The following MELK variants were observed in gnomAD, a reference collection of about 807,000 sequenced individuals.
The protein encoded by MELK is pEg3 kinase.
Under a neutral mutation model 85.0 loss-of-function variants are expected in MELK, and 81 were observed. The ratio of observed to expected loss-of-function variants is 0.95; its 90% CI spans 0.80 to 1.15. MELK has a LOEUF of 1.15. Ranked by LOEUF, MELK falls within the 50% of genes most tolerant of loss-of-function variation. The probability of loss-of-function intolerance (pLI) is 0.00; values close to 1 mark genes in which losing one functional copy is unlikely to be tolerated. For missense variants in MELK, 754 were observed against 777.5 expected, an observed-to-expected ratio of 0.97 and a Z score of 0.36; for synonymous variants, 252 against 265.0, an observed-to-expected ratio of 0.95 and a Z score of 0.48.
chr9:36,657,464 T>C (rs1279716703), intron 13 of MELK, 101 bp downstream of exon 13: 1 of 1,276,134 alleles, frequency 7.8e-7, no homozygotes, highest in Non-Finnish European at 1.1e-6. Context: ...ATTTAATGAA[T>C]GCTTAAGCCA....
intron 8 of MELK, among the ~76,000 whole-genome samples, chr9:36,620,070 A>C (rs1227401539): frequency 6.6e-6 from 1 of 152,146 alleles, no homozygotes; most frequent in Admixed American, 6.6e-5. Flanking sequence ...AGGGACAGAG[A>C]CCTTAAATAA....
At chr9:36,663,605 C>G (rs1327136146) in intron 13 of MELK, among the ~76,000 whole-genome samples, 2 of 152,146 alleles carry the variant, frequency 1.3e-5, no homozygotes, top group African/African-American at 4.8e-5. Flanking sequence ...TTTTTAGCAC[C>G]CACTTATGAG....
Position 36,661,754 on chromosome 9 carries a change from A to G in MELK, c.1177-3596A>G, listed in dbSNP as rs1027288019. 2.6e-5 allele frequency among the ~76,000 whole-genome samples: 4 copies of G among 152,036 alleles called. No individual in the cohort carries two copies. The East Asian group carries it at 5.8e-4, about 22-fold the overall frequency. ...GATTGAGACCATCCTGGCTAACACA[A>G]TGAAACTCCATCTCTACTAAAAAAT... On this transcript the variant is annotated intron_variant, in intron 13 of 17. Transcript: ENST00000298048.
intron 12 of MELK, among the ~76,000 whole-genome samples, chr9:36,656,622 CT>C (rs962697841): frequency 5.3e-5 from 8 of 151,090 alleles, no homozygotes; most frequent in Admixed American, 6.6e-5. Context: ...TCTACCTTTT[CT>C]TTTTTTTTCT....
chr9:36,584,885 T>C (rs1011883871), intron 3 of MELK, among the ~76,000 whole-genome samples: 1 of 151,928 alleles, frequency 6.6e-6, no homozygotes, highest in African/African-American at 2.4e-5. Flanking sequence ...GCTTGCCTAA[T>C]TTTTAAACAT....
At chr9:36,618,234 C>T (rs542791331) in intron 8 of MELK, among the ~76,000 whole-genome samples, 1 of 151,690 alleles carries the variant, frequency 6.6e-6, no homozygotes, top group Admixed American at 6.6e-5. Context: ...CATGGTGAAA[C>T]CCCATCTCTA....
chr9:36,617,206 A>G (rs186155634), intron 8 of MELK, among the ~76,000 whole-genome samples: 1 of 152,284 alleles, frequency 6.6e-6, no homozygotes, highest in Admixed American at 6.5e-5. Flanking sequence ...TAATAATGCC[A>G]GTTTCTCCAT....
At chr9:36,666,178 T>C (rs1832322836) in intron 14 of MELK, among the ~76,000 whole-genome samples, 1 of 152,240 alleles carries the variant, frequency 6.6e-6, no homozygotes, top group Non-Finnish European at 1.5e-5. Flanking sequence ...TGAGCAGTTA[T>C]TTAAACCATT....
intron 10 of MELK, among the ~76,000 whole-genome samples, chr9:36,636,728 A>ATTTCTTTCTTTCTTTC (rs74181197): frequency 0.013 from 1,333 of 100,914 alleles, 43 homozygotes; most frequent in East Asian, 0.026. Context: ...TAGCAACTGG[A>ATTTCTTTCTTTCTTTC]TTTCTTTCTT....
At chr9:36,656,781 G>A (rs1334609808) in intron 12 of MELK, among the ~76,000 whole-genome samples, 2 of 151,998 alleles carry the variant, frequency 1.3e-5, no homozygotes, top group African/African-American at 4.8e-5. Flanking sequence ...GCACATGCCT[G>A]GCTAATTTCT....
chr9:36,665,978 CA>C (rs1832302248), intron 14 of MELK, among the ~76,000 whole-genome samples: 1 of 152,196 alleles, frequency 6.6e-6, no homozygotes, highest in Admixed American at 6.5e-5. Context: ...ACTTATGACT[CA>C]AGCTGACGCC....
chr9:36,644,209 TTGTGTGTGTG>T (rs55796800), intron 11 of MELK, among the ~76,000 whole-genome samples: 12,763 of 145,308 alleles, frequency 0.088, 582 homozygotes, highest in Middle Eastern at 0.14. Context: ...TACCTGTGTT[TTGTGTGTGTG>T]TGTGTGTGTG....
At chr9:36,618,405 CAAAAAAAA>C (rs367884644) in intron 8 of MELK, among the ~76,000 whole-genome samples, 1 of 68,798 alleles carries the variant, frequency 1.5e-5, no homozygotes, top group Admixed American at 1.6e-4. Flanking sequence ...AGAGGCTCCT[CAAAAAAAA>C]AAAAAAAAGA....
chr9:36,596,578 TTTGTTTTTTTTG>T (rs1212035729), intron 5 of MELK, among the ~76,000 whole-genome samples: 4,104 of 106,518 alleles, frequency 0.039, 426 homozygotes, highest in African/African-American at 0.16. Context: ...TTTTGTTTTT[TTTGTTTTTTTTG>T]TTTTTTTTTT....
intron 13 of MELK, among the ~76,000 whole-genome samples, chr9:36,661,605 AC>A (rs1311187167): frequency 1.3e-5 from 2 of 152,104 alleles, no homozygotes; most frequent in Non-Finnish European, 2.9e-5. Context: ...AAACAATGAA[AC>A]CTTTCATACC....
chr9:36,615,278 G>T (rs1228596955), intron 8 of MELK, among the ~76,000 whole-genome samples: 1 of 124,636 alleles, frequency 8.0e-6, no homozygotes, highest in African/African-American at 3.7e-5. Context: ...CAGACGGCAC[G>T]GCTGGCCAGG....
chr9:36,663,207 AG>A (rs1832025464), intron 13 of MELK, among the ~76,000 whole-genome samples: 1 of 151,536 alleles, frequency 6.6e-6, no homozygotes, highest in Non-Finnish European at 1.5e-5. Flanking sequence ...CAGCCTCCCG[AG>A]TAGCTGGGAT....
chr9:36,643,139 TTGGGAGGCCGAGG>T (rs1476761392), intron 11 of MELK, 56 bp downstream of exon 11: 2 of 1,441,944 alleles, frequency 1.4e-6, no homozygotes, highest in Non-Finnish European at 1.9e-6. Flanking sequence ...TCCAAACACT[TTGGGAGGCCGAGG>T]TGGGAGGATC....
intron 14 of MELK, among the ~76,000 whole-genome samples, chr9:36,666,287 A>C (rs951823729): frequency 3.3e-5 from 5 of 152,172 alleles, no homozygotes; most frequent in Non-Finnish European, 7.3e-5. Flanking sequence ...AACTAAACTG[A>C]GTTTTCTAGA....
Sources: gnomAD v4.1 joint callset for allele counts (sites outside exome capture counted in the v4.1 genomes callset) on GRCh38, gnomAD v4.1.1 for gene constraint, MANE v1.5 for transcripts, NCBI Gene and HGNC (gene_info 2026-07-23, HGNC 2026-07-21) for gene names.